NIPA1: variants seen among roughly 807,000 people sequenced by gnomAD.
The protein encoded by NIPA1 is magnesium transporter NIPA1.
Under a neutral mutation model 23.9 loss-of-function variants are expected in NIPA1, and 13 were observed. That is an observed-to-expected ratio of 0.54 (90% CI 0.35 to 0.87). The LOEUF (loss-of-function observed/expected upper bound fraction) is 0.87. Among genes scored for constraint, NIPA1 ranks in the 40% least tolerant of loss-of-function variants. NIPA1 has a pLI of 0.01. For synonymous variants in NIPA1, 234 were observed against 202.9 expected, an observed-to-expected ratio of 1.15 and a Z score of -1.30; for missense variants, 362 against 429.7, an observed-to-expected ratio of 0.84 and a Z score of 1.39.
At chr15:22,814,785 C>T (rs1895384656) in intron 3 of NIPA1, among the ~76,000 whole-genome samples, 2 of 152,122 alleles carry the variant, frequency 1.3e-5, no homozygotes, top group Admixed American at 6.5e-5. Context: ...TAAGTATAAC[C>T]AAAGCAATGT....
At chr15:22,810,951 G>A (rs1486406995) in intron 2 of NIPA1, 155 bp downstream of exon 2, 24 of 707,408 alleles carry the variant, frequency 3.4e-5, no homozygotes, top group Middle Eastern at 3.1e-4. Context: ...CTTTCAGTTC[G>A]GATGTCCCTG....
intron 2 of NIPA1, 116 bp from the exon 3 acceptor site, chr15:22,812,047 C>A: frequency 1.2e-6 from 1 of 819,608 alleles, no homozygotes. Flanking sequence ...TGATTCTTCA[C>A]AAGTAATGTG....
At position 22,792,178 on chromosome 15, in the gene NIPA1, T is replaced by G. The variant is rs537660206; in HGVS notation, c.178+5344T>G. Reference sequence around the variant, plus strand: ...GTTTGTGGAAAGCCCATGGCAACATTAGAATAGCAGTGCCTTCACTCAGCA... The same window carrying G: ...GTTTGTGGAAAGCCCATGGCAACATGAGAATAGCAGTGCCTTCACTCAGCA... On this transcript the variant is annotated intron_variant, in intron 1 of 4. Transcript: ENST00000337435. 3.9e-4 allele frequency among the ~76,000 whole-genome samples: 59 copies of G among 152,176 alleles called. No homozygotes were observed. The South Asian group carries it at 0.011, about 29-fold the overall frequency.
intron 1 of NIPA1, among the ~76,000 whole-genome samples, chr15:22,793,477 A>G (rs534878843): frequency 1.3e-5 from 2 of 151,076 alleles, no homozygotes; most frequent in South Asian, 2.1e-4. Context: ...GTCTTGCTCC[A>G]TCTCCCAGGC....
intron 1 of NIPA1, among the ~76,000 whole-genome samples, chr15:22,800,058 T>G (rs773013324): frequency 2.6e-5 from 4 of 151,630 alleles, no homozygotes; most frequent in Non-Finnish European, 5.9e-5. Flanking sequence ...AATTACCTGT[T>G]GGGTACTATG....
chr15:22,807,098 G>T (rs1895225494), intron 1 of NIPA1, among the ~76,000 whole-genome samples: 2 of 152,208 alleles, frequency 1.3e-5, no homozygotes, highest in Non-Finnish European at 2.9e-5. Context: ...AGTACAAGTT[G>T]CAGGGCCTGA....
rs1337315191 is a variant in NIPA1 at position 22,823,741 on chromosome 15, C to T, written c.492C>T (p.Tyr164=). The T allele has an allele frequency of 1.2e-6, 2 of 1,608,590 alleles. No homozygotes were observed. Among genetic ancestry groups the T allele is most frequent in the East Asian group, 2.2e-5 (1 of 44,818 alleles). The change falls in exon 5 of 5, where the codon TAC becomes TAT. Residue 164 remains tyrosine, a synonymous_variant. Coordinates refer to ENST00000337435, the MANE Select transcript of NIPA1 (RefSeq NM_144599.5). ...TCTGTGTTCCAGTGTTTGTGGGCTA[C>T]CTGTGCATCGTGCTGCTCATGCTGC... ...EKLTNPVFVG[Y]LCIVLLMLLL... is the part of the protein sequence containing the mutation.
In NIPA1 at chr15:22,824,530, A is replaced by G. The variant is rs531321624; in HGVS notation, c.*291A>G. 31 of 404,068 alleles carry G rather than the reference A, an allele frequency of 7.7e-5. No homozygotes were observed. Among genetic ancestry groups the G allele is most frequent in the African/African-American group, 6.0e-4 (30 of 49,744 alleles). 25.0% of individuals were successfully genotyped at this position (404,068 alleles called of 1,614,324 possible). A position where few individuals can be genotyped will look rare whatever the true frequency, so the allele number is the denominator to read the frequency against. ...GCTTTCATGAATATTCTCTTCTTTTAAAACATTTTAACATTATTTAAACAG... is the reference window on the plus strand; with the variant it reads ...GCTTTCATGAATATTCTCTTCTTTTGAAACATTTTAACATTATTTAAACAG... On this transcript the variant is annotated 3_prime_UTR_variant, in exon 5 of 5. Transcript: ENST00000337435. The surrounding 1 kb of genome is among the most constrained non-coding windows in gnomAD (Gnocchi z 4.1).
At position 22,805,685 on chromosome 15, in the gene NIPA1, CAAAAAG is replaced by C. The variant is rs544508873; in HGVS notation, c.179-5046_179-5041del. ...TGGGCAAGAGAGTGAGACTCTGTCT[CAAAAAG>C]AAAAAGAAAAAGAAAAATCTGTAAA... On this transcript the variant is annotated intron_variant, in intron 1 of 4. Transcript: ENST00000337435. Among the ~76,000 whole-genome samples, 666 of 151,794 alleles carry C rather than the reference CAAAAAG, an allele frequency of 4.4e-3. 5 individuals are homozygous for C. The highest frequency in any genetic ancestry group is 0.015 in the African/African-American group (630 of 41,420).
intron 1 of NIPA1, among the ~76,000 whole-genome samples, chr15:22,809,362 C>G (rs1474486167): frequency 6.6e-6 from 1 of 151,892 alleles, no homozygotes; most frequent in Non-Finnish European, 1.5e-5. Flanking sequence ...ACTCCAGCCT[C>G]AGCGACAGAG....
chr15:22,798,370 G>A (rs1377269598), intron 1 of NIPA1, among the ~76,000 whole-genome samples: 1 of 149,830 alleles, frequency 6.7e-6, no homozygotes, highest in Non-Finnish European at 1.5e-5. Context: ...CTCCCGAGTA[G>A]CTGGGACTAC....
At chr15:22,815,049 C>T (rs1172500214) in intron 3 of NIPA1, among the ~76,000 whole-genome samples, 1 of 152,144 alleles carries the variant, frequency 6.6e-6, no homozygotes, top group African/African-American at 2.4e-5. Context: ...CGGGGCAAAC[C>T]ACCCCTGGTC....
rs2140877822 is a variant in NIPA1, at chr15:22,823,945, A to G, written c.696A>G (p.Val232=). 7 of 1,613,988 alleles carry G rather than the reference A, an allele frequency of 4.3e-6. No individual in the cohort carries two copies. The highest frequency in any genetic ancestry group is 5.9e-6 in the Non-Finnish European group (7 of 1,179,954). ...AGAGAGCCCTCTGCCTGTGCCTGGT[A>G]CTCCTGGCCGTGCTCGGCTGCAGCA... is the stretch of plus-strand genomic sequence containing the variant. ...SSQRALCLCL[V]LLAVLGCSII... The change falls in exon 5 of 5, where the codon GTA becomes GTG. Residue 232 remains valine, a synonymous_variant. Transcript: ENST00000337435.
intron 1 of NIPA1, among the ~76,000 whole-genome samples, chr15:22,788,761 AAAACATGAT>A (rs1894765254): frequency 1.3e-5 from 2 of 150,748 alleles, no homozygotes; most frequent in Admixed American, 6.6e-5. Flanking sequence ...CCTTTTAAAA[AAAACATGAT>A]AAGCTGGGTG....
chr15:22,805,479 G>C (rs765260531), intron 1 of NIPA1, among the ~76,000 whole-genome samples: 9 of 152,254 alleles, frequency 5.9e-5, no homozygotes, highest in Non-Finnish European at 1.2e-4. Context: ...CTGAGGTCAG[G>C]AGTACAAGAC....
At chr15:22,799,488 T>C (rs1397849552) in intron 1 of NIPA1, among the ~76,000 whole-genome samples, 2 of 151,318 alleles carry the variant, frequency 1.3e-5, no homozygotes, top group Non-Finnish European at 3.0e-5. Context: ...CTAAAAAAAA[T>C]ACAAAAATTG....
At position 22,786,663 on chromosome 15, in the gene NIPA1, ACTGCAGCTGCGG is replaced by A; in HGVS notation, c.9_20del (p.Ala13_Ala16del). The A allele has an allele frequency of 9.4e-7, 1 of 1,058,648 alleles. No homozygotes were observed. Among genetic ancestry groups the A allele is most frequent in the Non-Finnish European group, 1.1e-6 (1 of 876,132 alleles). 65.6% of individuals were successfully genotyped at this position (1,058,648 alleles called of 1,614,324 possible). A position where few individuals can be genotyped will look rare whatever the true frequency, so the allele number is the denominator to read the frequency against. ...GAGGGCGGGCGCGGGCGGAATGGGG[ACTGCAGCTGCGG>A]CAGCGGCGGCGGCGGCGGCGGCGGC... On this transcript the variant is annotated inframe_deletion, in exon 1 of 5. Coordinates refer to ENST00000337435, the MANE Select transcript of NIPA1 (RefSeq NM_144599.5).
chr15:22,821,369 C>G (rs1895535511), intron 4 of NIPA1, among the ~76,000 whole-genome samples: 1 of 152,200 alleles, frequency 6.6e-6, no homozygotes, highest in African/African-American at 2.4e-5. Context: ...TGCTTACCAA[C>G]AAGTTTAGGC....
intron 3 of NIPA1, among the ~76,000 whole-genome samples, chr15:22,815,118 AT>A (rs1387857051): frequency 2.0e-5 from 3 of 152,104 alleles, no homozygotes; most frequent in African/African-American, 7.2e-5. Flanking sequence ...TTAAAAAAAA[AT>A]CCATTTTAGC....
Sources: allele counts gnomAD v4.1 joint callset (sites outside exome capture counted in the v4.1 genomes callset), GRCh38; gene constraint gnomAD v4.1.1; non-coding constraint Gnocchi (gnomAD v3.1); transcripts MANE v1.5; gene names NCBI Gene and HGNC (gene_info 2026-07-23, HGNC 2026-07-21).